The following AGBL1 variants were observed in gnomAD, a reference collection of about 807,000 sequenced individuals.
The protein encoded by AGBL1 is AGBL carboxypeptidase 1.
A neutral mutation model predicts 118.9 loss-of-function variants in AGBL1; 130 were observed. That is an observed-to-expected ratio of 1.09 (90% CI 0.95 to 1.26). The LOEUF (loss-of-function observed/expected upper bound fraction) is 1.26. Among genes scored for constraint, AGBL1 ranks in the 50% most tolerant of loss-of-function variants. AGBL1 has a pLI of 0.00. For missense variants in AGBL1, 1,584 were observed against 1,298.1 expected, an observed-to-expected ratio of 1.22 and a Z score of -3.38; for synonymous variants, 555 against 478.9, an observed-to-expected ratio of 1.16 and a Z score of -2.08.
chr15:86,629,287 T>A (rs547093052), intron 21 of AGBL1, among the ~76,000 whole-genome samples: 3 of 152,278 alleles, frequency 2.0e-5, no homozygotes, highest in African/African-American at 7.2e-5. Flanking sequence ...TTATTTTGCT[T>A]ATTTAAGAAA....
At chr15:86,554,634 A>G in intron 21 of AGBL1, 97 bp downstream of exon 21, 4 of 1,255,766 alleles carry the variant, frequency 3.2e-6, no homozygotes, top group Non-Finnish European at 4.1e-6. Flanking sequence ...AAAGGGGAAG[A>G]AGGCTCCAAG....
chr15:86,737,756 T>A (rs1041580310), intron 22 of AGBL1, among the ~76,000 whole-genome samples: 1 of 152,216 alleles, frequency 6.6e-6, no homozygotes, highest in Non-Finnish European at 1.5e-5. Flanking sequence ...CCCCTTTTAA[T>A]TTCAAGATCA....
chr15:86,707,685 T>C (rs1290755644), intron 22 of AGBL1, among the ~76,000 whole-genome samples: 2 of 152,158 alleles, frequency 1.3e-5, no homozygotes, highest in Non-Finnish European at 2.9e-5. Flanking sequence ...TTCTGGACTT[T>C]CTTTATAAAA....
At chr15:86,620,279 A>G (rs1433251204) in intron 21 of AGBL1, among the ~76,000 whole-genome samples, 1 of 152,214 alleles carries the variant, frequency 6.6e-6, no homozygotes, top group Non-Finnish European at 1.5e-5. Flanking sequence ...TCAGACTTAC[A>G]TGTTTACATT....
intron 1 of AGBL1, among the ~76,000 whole-genome samples, chr15:86,094,486 G>A (rs1444195581): frequency 1.3e-5 from 2 of 152,122 alleles, no homozygotes; most frequent in Admixed American, 1.3e-4. Context: ...TTTTCATGCA[G>A]GAAGTTTATT....
chr15:87,024,867 T>C (rs1229602610), intron 24 of AGBL1, among the ~76,000 whole-genome samples: 2 of 151,614 alleles, frequency 1.3e-5, no homozygotes, highest in Admixed American at 1.3e-4. Flanking sequence ...TAAACAGAAA[T>C]AAAAACAAAA....
chr15:86,134,603 CCTTTTTTT>C (rs60984993), intron 1 of AGBL1, among the ~76,000 whole-genome samples: 4,506 of 114,194 alleles, frequency 0.039, 160 homozygotes, highest in East Asian at 0.098. Flanking sequence ...ATCAATGGTG[CCTTTTTTT>C]TTTTTTTTTT....
chr15:86,432,577 A>T (rs1418319553), intron 18 of AGBL1, among the ~76,000 whole-genome samples: 1 of 152,126 alleles, frequency 6.6e-6, no homozygotes, highest in Non-Finnish European at 1.5e-5. Flanking sequence ...GACCTTGCTG[A>T]GGTAATGTTG....
chr15:86,831,237 G>A (rs2079099969), intron 22 of AGBL1, among the ~76,000 whole-genome samples: 1 of 152,148 alleles, frequency 6.6e-6, no homozygotes. Context: ...GGTGCAGACA[G>A]AGCCAAACCA....
chr15:86,282,512 C>A (rs2079371611), intron 16 of AGBL1, among the ~76,000 whole-genome samples: 1 of 152,098 alleles, frequency 6.6e-6, no homozygotes, highest in African/African-American at 2.4e-5. Context: ...GTTAGAAAGA[C>A]AATTTGTTAC....
chr15:86,864,902 C>A (rs1275677641), intron 22 of AGBL1, among the ~76,000 whole-genome samples: 2 of 152,162 alleles, frequency 1.3e-5, no homozygotes, highest in African/African-American at 4.8e-5. Context: ...GCAAAAACAA[C>A]CCTAAACTCT....
chr15:86,622,213 C>G (rs2084818211), intron 21 of AGBL1, among the ~76,000 whole-genome samples: 1 of 151,790 alleles, frequency 6.6e-6, no homozygotes, highest in East Asian at 1.9e-4. Context: ...ACCTGTAATC[C>G]CAGCTACTCA....
chr15:86,783,687 A>G (rs1174250787), intron 22 of AGBL1, among the ~76,000 whole-genome samples: 1 of 152,156 alleles, frequency 6.6e-6, no homozygotes, highest in African/African-American at 2.4e-5. Context: ...TGGAGTGCAG[A>G]GGCACAGTCT....
chr15:86,834,629 T>G (rs1347786749), intron 22 of AGBL1, among the ~76,000 whole-genome samples: 1 of 152,160 alleles, frequency 6.6e-6, no homozygotes, highest in East Asian at 1.9e-4. Flanking sequence ...TTATGTACCC[T>G]CTCTGATCCT....
intron 22 of AGBL1, among the ~76,000 whole-genome samples, chr15:86,865,728 G>A (rs1435289065): frequency 6.6e-6 from 1 of 152,168 alleles, no homozygotes; most frequent in Admixed American, 6.5e-5. Context: ...GCTATACACT[G>A]TGTCAACCTG....
In AGBL1 at chr15:86,546,101, A is replaced by T. The variant is rs1206176427; in HGVS notation, c.2785A>T (p.Thr929Ser). 3 of 1,613,332 alleles carry T rather than the reference A, an allele frequency of 1.9e-6. No individual in the cohort carries two copies. The highest frequency in any genetic ancestry group is 2.5e-6 in the Non-Finnish European group (3 of 1,179,566). ...GTGGCAAGCAGCATGCACTGTGGGC[A>T]CATCTACTATCCTAGAGGAGGTCAA... ...TLWQAACTVG[T>S]STILEEVNYR... The change falls in exon 20 of 23, where the codon ACA becomes TCA. Residue 929 changes from threonine to serine, a missense_variant. Physicochemically the swap from Thr to Ser is moderately conservative, Grantham distance 58. Transcript: ENST00000614907.
At chr15:86,840,011 G>C (rs538383449) in intron 22 of AGBL1, among the ~76,000 whole-genome samples, 2 of 152,184 alleles carry the variant, frequency 1.3e-5, no homozygotes, top group Non-Finnish European at 2.9e-5. Context: ...TAGTATCTCA[G>C]TAAATAATTT....
At position 86,758,614 on chromosome 15, in the gene AGBL1, G is replaced by T. The variant is rs555363267; in HGVS notation, c.3158+84178G>T. Among the ~76,000 whole-genome samples the T allele has an allele frequency of 3.9e-5, 6 of 152,036 alleles. No individual in the cohort carries two copies. In the South Asian group the frequency reaches 1.2e-3, roughly 32 times the overall value. On this transcript the variant is annotated intron_variant, in intron 22 of 22. Coordinates refer to ENST00000614907, the MANE Select transcript of AGBL1 (RefSeq NM_001386094.1). Reference sequence around the variant, plus strand: ...ATGAATGCTCTGGATTATATTATGGGTGACTAAATTGCCATCTGAATTGTT... The same window carrying T: ...ATGAATGCTCTGGATTATATTATGGTTGACTAAATTGCCATCTGAATTGTT...
rs187405721 is a variant in AGBL1, at chr15:86,384,102, C to G, written c.2375-13264C>G. Among the ~76,000 whole-genome samples the G allele has an allele frequency of 1.6e-3, 239 of 152,228 alleles. 7 individuals are homozygous for G. The South Asian group carries it at 0.047, about 30-fold the overall frequency. Reference sequence around the variant, plus strand: ...TGGTGATGTGTCTAGATTGCTGTACCGCGTGGGCTCCATTGAGGTAGTGCT... The same window carrying G: ...TGGTGATGTGTCTAGATTGCTGTACGGCGTGGGCTCCATTGAGGTAGTGCT... On this transcript the variant is annotated intron_variant, in intron 17 of 22. Transcript: ENST00000614907.
Sources: allele counts gnomAD v4.1 joint callset (sites outside exome capture counted in the v4.1 genomes callset), GRCh38; gene constraint gnomAD v4.1.1; transcripts MANE v1.5; gene names NCBI Gene and HGNC (gene_info 2026-07-23, HGNC 2026-07-21).